TNPO3: variants seen among roughly 807,000 people sequenced by gnomAD.
The protein encoded by TNPO3 is transportin-3.
TNPO3 carries 65 observed loss-of-function variants against 122.8 expected under a neutral mutation model. That is an observed-to-expected ratio of 0.53 (90% CI 0.43 to 0.65). The LOEUF is 0.65. Among genes scored for constraint, TNPO3 ranks in the 30% least tolerant of loss-of-function variants. The pLI is 0.00. For synonymous variants in TNPO3, 372 were observed against 411.2 expected (o/e 0.90, Z 1.15); for missense variants, 850 against 1,136.7 (o/e 0.75, Z 3.63).
At position 129,044,045 on chromosome 7, in the gene TNPO3, C is replaced by T. The variant is rs551520431; in HGVS notation, c.120+10606G>A. Among the ~76,000 whole-genome samples, 108 of 152,328 alleles carry T rather than the reference C, an allele frequency of 7.1e-4. 4 individuals are homozygous for T. The South Asian group carries it at 0.022, about 31-fold the overall frequency. On this transcript the variant is annotated intron_variant, in intron 1 of 22. Transcript: ENST00000265388. Reference sequence around the variant, plus strand: ...GTGCTTAAGACTCAAATTTTTCAAACTTACATAAATGTAATATGTCTAACT... The same window carrying T: ...GTGCTTAAGACTCAAATTTTTCAAATTTACATAAATGTAATATGTCTAACT...
At chr7:129,056,173 C>A (rs1050245727), upstream of TNPO3, 6 of 905,636 alleles carry the variant, frequency 6.6e-6, no homozygotes, top group African/African-American at 6.5e-5. Context: ...AACGAGTTGG[C>A]CCGGCAGAAG....
intron 1 of TNPO3, 122 bp downstream of exon 1, chr7:129,054,528 AC>A: frequency 6.9e-7 from 1 of 1,453,752 alleles, no homozygotes; most frequent in East Asian, 2.4e-5. Flanking sequence ...CCACCCCACG[AC>A]AGCAGCTCCT....
chr7:129,055,958 A>C (rs1442947072), upstream of TNPO3: 1 of 693,118 alleles, frequency 1.4e-6, no homozygotes, highest in East Asian at 2.7e-5. Context: ...AACCTTGCCA[A>C]GTATTAATAA....
intron 8 of TNPO3, among the ~76,000 whole-genome samples, chr7:128,996,550 T>G (rs957310564): frequency 1.3e-5 from 2 of 151,970 alleles, no homozygotes; most frequent in Non-Finnish European, 2.9e-5. Flanking sequence ...GAGACCATCC[T>G]GGCTAACACG....
At chr7:128,955,735 G>A (rs577200572) in intron 22 of TNPO3, among the ~76,000 whole-genome samples, 2 of 152,324 alleles carry the variant, frequency 1.3e-5, no homozygotes, top group Admixed American at 1.3e-4. Context: ...CAGGCTTCAT[G>A]TCGATTTTAT....
intron 1 of TNPO3, among the ~76,000 whole-genome samples, chr7:129,052,178 C>A (rs998494837): frequency 1.5e-4 from 23 of 152,202 alleles, no homozygotes; most frequent in African/African-American, 5.5e-4. Context: ...ATAGACTTTA[C>A]CAACAGGTCA....
At position 128,961,854 on chromosome 7, in the gene TNPO3, A is replaced by G. The variant is rs953647535; in HGVS notation, c.2712-4539T>C. On this transcript the variant is annotated intron_variant, in intron 21 of 22. Coordinates refer to ENST00000265388, the MANE Select transcript of TNPO3 (RefSeq NM_012470.4). Reference sequence around the variant, plus strand: ...TTACTGGCCTCTAATTCCAGTATCAATGCTTCCCATGTTCAACACCTTTTG... The same window carrying G: ...TTACTGGCCTCTAATTCCAGTATCAGTGCTTCCCATGTTCAACACCTTTTG... Among the ~76,000 whole-genome samples, 3 of 152,278 alleles carry G rather than the reference A, an allele frequency of 2.0e-5. No homozygotes were observed. The South Asian group carries it at 6.2e-4, about 32-fold the overall frequency.
At chr7:128,963,199 C>T (rs1585320749) in intron 21 of TNPO3, among the ~76,000 whole-genome samples, 3 of 152,168 alleles carry the variant, frequency 2.0e-5, no homozygotes, top group Non-Finnish European at 2.9e-5. Context: ...AGTACTAACC[C>T]TATTTCACTT....
chr7:128,982,392 T>C, intron 13 of TNPO3, 68 bp from the exon 14 acceptor site: 1 of 1,333,748 alleles, frequency 7.5e-7, no homozygotes, highest in Non-Finnish European at 1.1e-6. Flanking sequence ...CACTGCAACA[T>C]ACATCAACCT....
chr7:129,008,796 C>A (rs1244297541), intron 4 of TNPO3, among the ~76,000 whole-genome samples: 3 of 152,124 alleles, frequency 2.0e-5, no homozygotes, highest in African/African-American at 7.2e-5. Context: ...TTGATATAAA[C>A]TCATTACATA....
intron 1 of TNPO3, among the ~76,000 whole-genome samples, chr7:129,036,672 T>C (rs1347002595): frequency 6.6e-6 from 1 of 152,148 alleles, no homozygotes; most frequent in African/African-American, 2.4e-5. Flanking sequence ...AGTAGGGCTT[T>C]ATAAGGTGTA....
At chr7:128,984,083 G>A in intron 13 of TNPO3, 85 bp downstream of exon 13, 1 of 793,872 alleles carries the variant, frequency 1.3e-6, no homozygotes, top group Non-Finnish European at 1.9e-6. Context: ...GTAGACAAAA[G>A]ATCTGTAAAT....
At chr7:129,025,984 G>A (rs1342888461) in intron 1 of TNPO3, among the ~76,000 whole-genome samples, 1 of 151,984 alleles carries the variant, frequency 6.6e-6, no homozygotes, top group Non-Finnish European at 1.5e-5. Context: ...AAATTAGCTA[G>A]GCTTGGTGGT....
chr7:129,040,506 T>G, intron 1 of TNPO3, among the ~76,000 whole-genome samples: 1 of 152,168 alleles, frequency 6.6e-6, no homozygotes, highest in East Asian at 1.9e-4. Flanking sequence ...TACTATGCCT[T>G]GATGTTATTT....
intron 11 of TNPO3, among the ~76,000 whole-genome samples, chr7:128,989,734 C>A (rs554869566): frequency 6.6e-6 from 1 of 152,196 alleles, no homozygotes; most frequent in Non-Finnish European, 1.5e-5. Context: ...AAATTGTTCA[C>A]TGTTTCCCTA....
chr7:129,050,194 T>C (rs775327178), intron 1 of TNPO3, among the ~76,000 whole-genome samples: 12 of 151,850 alleles, frequency 7.9e-5, no homozygotes, highest in South Asian at 2.1e-4. Context: ...CCATCCTGGC[T>C]AACATGGTGA....
chr7:128,971,870 T>A (rs1407373210), intron 19 of TNPO3, among the ~76,000 whole-genome samples: 3 of 152,206 alleles, frequency 2.0e-5, no homozygotes, highest in Non-Finnish European at 4.4e-5. Flanking sequence ...TCGTCTGATC[T>A]CATACCAATC....
chr7:129,026,034 G>A (rs1312099529), intron 1 of TNPO3, among the ~76,000 whole-genome samples: 1 of 151,382 alleles, frequency 6.6e-6, no homozygotes, highest in African/African-American at 2.4e-5. Context: ...GCTGAGGCAG[G>A]AGAATTGCTT....
chr7:128,967,700 C>T lies in TNPO3; in HGVS notation c.2599-308G>A, dbSNP rs183637154. On this transcript the variant is annotated intron_variant, in intron 20 of 22. Coordinates refer to ENST00000265388, the MANE Select transcript of TNPO3 (RefSeq NM_012470.4). The stretch of plus-strand genomic sequence containing the variant: ...GGCTATTGTTTTGTTCCTGTCATAA[C>T]GTATATGACATATATACATATGCAC... 1.2e-3 allele frequency among the ~76,000 whole-genome samples: 181 copies of T among 152,124 alleles called. 1 individual carries two copies. Among genetic ancestry groups the T allele is most frequent in the Admixed American group, 2.6e-3 (40 of 15,276 alleles).
Sources: allele counts gnomAD v4.1 joint callset (sites outside exome capture counted in the v4.1 genomes callset), GRCh38; gene constraint gnomAD v4.1.1; transcripts MANE v1.5; gene names NCBI Gene and HGNC (gene_info 2026-07-23, HGNC 2026-07-21).